The following TNRC6B variants were observed in gnomAD, a reference collection of about 807,000 sequenced individuals.
TNRC6B encodes the protein trinucleotide repeat containing adaptor 6B, also known as trinucleotide repeat-containing gene 6B protein.
A neutral mutation model predicts 203.6 loss-of-function variants in TNRC6B; 52 were observed. That is an observed-to-expected ratio of 0.26 (90% CI 0.20 to 0.32). The LOEUF is 0.32. Among genes scored for constraint, TNRC6B ranks in the 10% least tolerant of loss-of-function variants. The pLI, the probability that TNRC6B is intolerant of heterozygous loss-of-function variation, is 1.00. For missense variants in TNRC6B, 1,923 were observed against 2,286.2 expected, an observed-to-expected ratio of 0.84 and a Z score of 3.24; for synonymous variants, 838 against 845.7, an observed-to-expected ratio of 0.99 and a Z score of 0.16.
Position 40,170,366 on chromosome 22 carries a change from TTA to T in TNRC6B, c.113+14194_113+14195del, listed in dbSNP as rs1300591692. 5.4e-3 allele frequency among the ~76,000 whole-genome samples: 429 copies of T among 79,714 alleles called. 42 individuals carry two copies. Among genetic ancestry groups the T allele is most frequent in the Middle Eastern group, 0.011 (2 of 174 alleles). 52.3% of individuals were successfully genotyped at this position (79,714 alleles called of 152,430 possible). On this transcript the variant is annotated intron_variant, in intron 4 of 23. Transcript: ENST00000301923. ...TTTATATATATATTATGTATATAGT[TTA>T]TATATATATTATATATATAGTTTAT...
At chr22:40,264,539 A>C in intron 4 of TNRC6B, 149 bp from the exon 5 acceptor site, 1 of 814,606 alleles carries the variant, frequency 1.2e-6, no homozygotes, top group Non-Finnish European at 1.8e-6. Flanking sequence ...GAGATGACTA[A>C]GACAGTTGTG....
Position 40,059,306 on chromosome 22 carries a change from T to C in TNRC6B, c.-121+14308T>C, listed in dbSNP as rs201532435. On this transcript the variant is annotated intron_variant, in intron 1 of 23. Coordinates refer to the TNRC6B transcript ENST00000301923. ...ATATAGTTTGTTCTTACTGATATGA[T>C]TGTGATGATAATGAATTACGTAGAC... Among the ~76,000 whole-genome samples, 5 of 152,234 alleles carry C rather than the reference T, an allele frequency of 3.3e-5. No individual in the cohort carries two copies. In the East Asian group the frequency reaches 7.7e-4, roughly 23 times the overall value.
chr22:40,274,008 G>A (rs1006190011), intron 7 of TNRC6B, among the ~76,000 whole-genome samples: 2 of 152,114 alleles, frequency 1.3e-5, no homozygotes, highest in Admixed American at 6.6e-5. Flanking sequence ...TCCTAAGTAA[G>A]GGGAAAAATA....
intron 3 of TNRC6B, among the ~76,000 whole-genome samples, chr22:40,140,023 C>G (rs995754616): frequency 8.5e-5 from 13 of 152,214 alleles, no homozygotes; most frequent in African/African-American, 3.1e-4. Context: ...TAGTATGTGA[C>G]ATAGAGGTCA....
intron 1 of TNRC6B, among the ~76,000 whole-genome samples, chr22:40,195,370 G>A (rs1023871362): frequency 7.9e-5 from 12 of 152,154 alleles, no homozygotes; most frequent in Non-Finnish European, 1.3e-4. Context: ...TTTCTTTTGA[G>A]GCCACGTGTT....
chr22:40,291,347 T>TC (rs2070867083), intron 12 of TNRC6B, among the ~76,000 whole-genome samples: 1 of 151,986 alleles, frequency 6.6e-6, no homozygotes, highest in Non-Finnish European at 1.5e-5. Context: ...GTGACACCGC[T>TC]GCAATCCAGC....
chr22:40,308,102 T>C (rs2071115863), intron 15 of TNRC6B, among the ~76,000 whole-genome samples: 1 of 152,168 alleles, frequency 6.6e-6, no homozygotes, highest in Admixed American at 6.5e-5. Context: ...CTAGATCACA[T>C]CTTCCTTCTG....
chr22:40,315,709 G>A (rs1234983605), intron 20 of TNRC6B, among the ~76,000 whole-genome samples: 1 of 152,260 alleles, frequency 6.6e-6, no homozygotes, highest in Non-Finnish European at 1.5e-5. Flanking sequence ...AGTAAAATGA[G>A]TAAAAATGGC....
chr22:40,220,022 T>C (rs2069686842), intron 1 of TNRC6B, among the ~76,000 whole-genome samples: 1 of 152,194 alleles, frequency 6.6e-6, no homozygotes, highest in Non-Finnish European at 1.5e-5. Flanking sequence ...CTTTGTTTCA[T>C]ACAGATCGTT....
At chr22:40,223,089 G>T (rs2069736786) in intron 1 of TNRC6B, among the ~76,000 whole-genome samples, 3 of 150,972 alleles carry the variant, frequency 2.0e-5, no homozygotes, top group Admixed American at 2.0e-4. Flanking sequence ...GTTTAAAAAG[G>T]TATATAGTTG....
At chr22:40,192,283 G>T (rs565295018) in intron 1 of TNRC6B, among the ~76,000 whole-genome samples, 1 of 152,214 alleles carries the variant, frequency 6.6e-6, no homozygotes, top group African/African-American at 2.4e-5. Flanking sequence ...CAAAGCAAGA[G>T]GGACAAGTGG....
intron 12 of TNRC6B, among the ~76,000 whole-genome samples, chr22:40,294,732 A>G (rs1477766585): frequency 6.6e-6 from 1 of 152,220 alleles, no homozygotes; most frequent in African/African-American, 2.4e-5. Context: ...TTTCCCCCAG[A>G]CTCAAATTAT....
chr22:40,300,372 A>T (rs573308283), intron 12 of TNRC6B, 83 bp from the exon 13 acceptor site: 1 of 1,342,984 alleles, frequency 7.4e-7, no homozygotes, highest in South Asian at 1.7e-5. Context: ...ATTCATCAAG[A>T]TTCTTTTCAC....
intron 1 of TNRC6B, among the ~76,000 whole-genome samples, chr22:40,089,825 A>G (rs949618671): frequency 3.9e-5 from 6 of 152,040 alleles, no homozygotes; most frequent in Admixed American, 1.3e-4. Context: ...AGTGCTCTCA[A>G]TCTTCTCTGC....
At chr22:40,152,215 T>G (rs1178050196) in intron 3 of TNRC6B, among the ~76,000 whole-genome samples, 1 of 152,200 alleles carries the variant, frequency 6.6e-6, no homozygotes, top group Non-Finnish European at 1.5e-5. Flanking sequence ...TGCAATACAC[T>G]AGGACTTAGA....
chr22:40,194,525 T>G (rs998610892), intron 1 of TNRC6B, among the ~76,000 whole-genome samples: 16 of 152,204 alleles, frequency 1.1e-4, no homozygotes, highest in Non-Finnish European at 2.4e-4. Flanking sequence ...TTTGGCGTGG[T>G]GTGGAAGGGG....
At chr22:40,277,956 A>T in intron 8 of TNRC6B, 43 bp from the exon 9 acceptor site, 1 of 1,441,526 alleles carries the variant, frequency 6.9e-7, no homozygotes, top group Non-Finnish European at 9.6e-7. Flanking sequence ...TGATTCAAAG[A>T]TGTGCATCCT....
chr22:40,205,927 C>T (rs755904544), intron 1 of TNRC6B, among the ~76,000 whole-genome samples: 4 of 152,070 alleles, frequency 2.6e-5, no homozygotes, highest in African/African-American at 4.8e-5. Flanking sequence ...TCTGTCATGA[C>T]GAAGGGGTGA....
intron 1 of TNRC6B, among the ~76,000 whole-genome samples, chr22:40,064,592 A>T (rs2067879706): frequency 1.3e-5 from 2 of 151,426 alleles, no homozygotes; most frequent in Admixed American, 6.6e-5. Context: ...GATAAATCCC[A>T]CATGGTGATG....
Sources: gnomAD v4.1 joint callset for allele counts (sites outside exome capture counted in the v4.1 genomes callset) on GRCh38, gnomAD v4.1.1 for gene constraint, MANE v1.5 for transcripts, NCBI Gene and HGNC (gene_info 2026-07-23, HGNC 2026-07-21) for gene names.